Variants in GOLIM4 observed in about 807,000 individuals in gnomAD.
The protein encoded by GOLIM4 is 130 kDa golgi-localized phosphoprotein.
A neutral mutation model predicts 107.4 loss-of-function variants in GOLIM4; 71 were observed. The observed-to-expected ratio is 0.66, with a 90% CI of 0.55 to 0.81. The LOEUF (loss-of-function observed/expected upper bound fraction) is 0.81. Among genes scored for constraint, GOLIM4 ranks in the 30% least tolerant of loss-of-function variants. GOLIM4 has a pLI of 0.00. For synonymous variants in GOLIM4, 327 were observed against 294.8 expected, an observed-to-expected ratio of 1.11 and a Z score of -1.12; for missense variants, 830 against 826.1, an observed-to-expected ratio of 1.00 and a Z score of -0.06.
chr3:168,021,187 T>C (rs1004492307), intron 14 of GOLIM4, among the ~76,000 whole-genome samples: 2 of 152,162 alleles, frequency 1.3e-5, no homozygotes, highest in African/African-American at 2.4e-5. Context: ...TCTCTTGGTG[T>C]CTATTAACAC....
intron 1 of GOLIM4, among the ~76,000 whole-genome samples, chr3:168,069,237 A>G (rs546487197): frequency 6.6e-6 from 1 of 152,292 alleles, no homozygotes; most frequent in South Asian, 2.1e-4. Context: ...AAATAAATGG[A>G]GTTTTATTTC....
intron 14 of GOLIM4, among the ~76,000 whole-genome samples, chr3:168,015,187 CAA>C (rs1717292522): frequency 7.1e-6 from 1 of 140,400 alleles, no homozygotes; most frequent in Non-Finnish European, 1.5e-5. Context: ...GCAACTTCAG[CAA>C]AGTCTCAGGA....
At chr3:168,077,764 AT>A (rs1007832674) in intron 1 of GOLIM4, among the ~76,000 whole-genome samples, 1 of 152,168 alleles carries the variant, frequency 6.6e-6, no homozygotes, top group African/African-American at 2.4e-5. Context: ...CAGAATGAGA[AT>A]TTTTTTAATA....
chr3:168,012,300 T>C (rs1034405686), intron 14 of GOLIM4, among the ~76,000 whole-genome samples: 15 of 135,988 alleles, frequency 1.1e-4, no homozygotes, highest in Non-Finnish European at 3.0e-5. Context: ...CGATGGAAGA[T>C]GAAATGAATG....
chr3:168,073,290 G>C (rs1035635109), intron 1 of GOLIM4, among the ~76,000 whole-genome samples: 2 of 152,176 alleles, frequency 1.3e-5, no homozygotes, highest in African/African-American at 2.4e-5. Flanking sequence ...TAACTTCAGA[G>C]TATCTAGCAT....
chr3:168,043,501 T>G lies in GOLIM4; in HGVS notation c.395A>C (p.His132Pro). Reference protein sequence around the residue: ...KSQHEELKKQHSDLEEEHRKQ... With the variant: ...KSQHEELKKQPSDLEEEHRKQ... ...GCGATGTTCCTCTTCCAAGTCACTG[T>G]GCTGTTTCTTTAGCTCCTCGTGTTG... Residue 132 changes from histidine (H) to proline (P), a missense_variant, in exon 5 of 16, where the codon CAC becomes CCC. His to Pro is a moderately conservative substitution (Grantham distance 77). Coordinates refer to ENST00000470487, the MANE Select transcript of GOLIM4 (RefSeq NM_014498.5). 1 of 1,612,806 alleles carries G rather than the reference T, an allele frequency of 6.2e-7. No homozygotes were observed. The highest frequency in any genetic ancestry group is 8.5e-7 in the Non-Finnish European group (1 of 1,179,642).
rs1046338285 is a variant in GOLIM4, at chr3:168,095,855, C to A, written c.-570G>T. 1.5e-4 allele frequency: 23 copies of A among 152,506 alleles called. No individual in the cohort carries two copies. Among genetic ancestry groups the A allele is most frequent in the African/African-American group, 5.1e-4 (21 of 41,574 alleles). 9.4% of individuals were successfully genotyped at this position (152,506 alleles called of 1,614,324 possible). On this transcript the variant is annotated 5_prime_UTR_variant, in exon 1 of 16. Transcript: ENST00000470487. The stretch of plus-strand genomic sequence containing the variant: ...GGGGACGGCACAGCGGTGTCACTGA[C>A]GGGTCGGCTGGTGCCTCTGCCGCCC...
chr3:168,087,122 G>A (rs1446705757), intron 1 of GOLIM4, among the ~76,000 whole-genome samples: 1 of 151,946 alleles, frequency 6.6e-6, no homozygotes, highest in Non-Finnish European at 1.5e-5. Flanking sequence ...TGCAAAACCT[G>A]TACAGTTTTT....
intron 1 of GOLIM4, among the ~76,000 whole-genome samples, chr3:168,083,151 C>T (rs1184948093): frequency 6.6e-6 from 1 of 152,126 alleles, no homozygotes; most frequent in Non-Finnish European, 1.5e-5. Flanking sequence ...ATTAATATCA[C>T]AAAAGAATAC....
chr3:168,024,187 A>G (rs1249566143), intron 14 of GOLIM4, among the ~76,000 whole-genome samples: 1 of 152,216 alleles, frequency 6.6e-6, no homozygotes, highest in Non-Finnish European at 1.5e-5. Flanking sequence ...GGCAGTCCAG[A>G]TTCCCTCAAT....
In GOLIM4 at chr3:168,010,142, A is replaced by G. The variant is rs1162235105; in HGVS notation, c.*127T>C. 24 of 778,630 alleles carry G rather than the reference A, an allele frequency of 3.1e-5. No individual in the cohort carries two copies. In the East Asian group the frequency reaches 6.1e-4, roughly 20 times the overall value. The allele number at this position is 778,630 out of a possible 1,614,324, so 48.2% of individuals were successfully genotyped here. A position where few individuals can be genotyped will look rare whatever the true frequency, so the allele number is the denominator to read the frequency against. On this transcript the variant is annotated 3_prime_UTR_variant, in exon 16 of 16. Transcript: ENST00000470487. ...TAAATGTATGCGCATTTCTAATACA[A>G]AAGTTTTAAAAAAGTCTAAGTTCTT... is the stretch of plus-strand genomic sequence containing the variant.
chr3:168,028,921 A>T (rs1718156482), intron 11 of GOLIM4, among the ~76,000 whole-genome samples: 1 of 152,220 alleles, frequency 6.6e-6, no homozygotes, highest in African/African-American at 2.4e-5. Context: ...TAAGGAGAAA[A>T]TGCAGATGTT....
At chr3:168,080,763 C>T (rs573054408) in intron 1 of GOLIM4, among the ~76,000 whole-genome samples, 2 of 152,128 alleles carry the variant, frequency 1.3e-5, no homozygotes, top group Non-Finnish European at 2.9e-5. Context: ...AGGACTTTCC[C>T]CACAACGTTG....
intron 1 of GOLIM4, among the ~76,000 whole-genome samples, chr3:168,071,900 G>T (rs923604304): frequency 6.6e-6 from 1 of 152,138 alleles, no homozygotes; most frequent in Non-Finnish European, 1.5e-5. Context: ...AGGCTGAAAC[G>T]CCTGTGACGG....
At chr3:168,015,076 A>C (rs935972596) in intron 14 of GOLIM4, among the ~76,000 whole-genome samples, 39 of 151,662 alleles carry the variant, frequency 2.6e-4, no homozygotes, top group African/African-American at 9.5e-4. Context: ...AGGCTATTCA[A>C]TTAGGAAAAG....
chr3:168,011,501 A>G (rs1441233225), intron 14 of GOLIM4, among the ~76,000 whole-genome samples: 1 of 151,898 alleles, frequency 6.6e-6, no homozygotes, highest in African/African-American at 2.4e-5. Context: ...TTGATTAGGT[A>G]AACAAAGCAG....
chr3:168,080,168 C>T (rs181411109), intron 1 of GOLIM4, among the ~76,000 whole-genome samples: 13 of 152,208 alleles, frequency 8.5e-5, no homozygotes, highest in East Asian at 1.9e-4. Flanking sequence ...ATTAGAGCTG[C>T]GGAGATCTTC....
chr3:168,044,615 GTAA>G (rs1457054726), intron 4 of GOLIM4, among the ~76,000 whole-genome samples: 1 of 152,120 alleles, frequency 6.6e-6, no homozygotes, highest in Non-Finnish European at 1.5e-5. Context: ...AAGAAAATGT[GTAA>G]TAATTAAAAT....
In GOLIM4 at chr3:168,032,707, G is replaced by A. The variant is rs1718401232; in HGVS notation, c.989C>T (p.Pro330Leu). 7 of 1,614,052 alleles carry A rather than the reference G, an allele frequency of 4.3e-6. No individual in the cohort carries two copies. The East Asian group carries it at 1.3e-4, about 31-fold the overall frequency. ...PIQQEVERRE[P>L]EEHQVEEEHR... ...CTCCTCTTCCACCTGATGCTCCTCA[G>A]GTTCTCTGCGTTCCACTTCTTGTTG... The change falls in exon 9 of 16, where the codon CCT becomes CTT. Residue 330 changes from proline (P) to leucine (L), a missense_variant. By Grantham distance (98) the Pro-to-Leu change is moderately conservative. Coordinates refer to ENST00000470487, the MANE Select transcript of GOLIM4 (RefSeq NM_014498.5).
Sources: allele counts gnomAD v4.1 joint callset (sites outside exome capture counted in the v4.1 genomes callset), GRCh38; gene constraint gnomAD v4.1.1; transcripts MANE v1.5; gene names NCBI Gene and HGNC (gene_info 2026-07-23, HGNC 2026-07-21).